SLC39A11: variants seen among roughly 807,000 people sequenced by gnomAD.
SLC39A11 encodes the protein zinc transporter ZIP11.
SLC39A11 carries 33 observed loss-of-function variants against 36.1 expected under a neutral mutation model. That is an observed-to-expected ratio of 0.91 (90% CI 0.69 to 1.22). SLC39A11 has a LOEUF of 1.22. Ranked by LOEUF, SLC39A11 falls within the 50% of genes most tolerant of loss-of-function variation. SLC39A11 has a pLI of 0.00. For missense variants in SLC39A11, 432 were observed against 430.3 expected, an observed-to-expected ratio of 1.00 and a Z score of -0.03; for synonymous variants, 166 against 170.3, an observed-to-expected ratio of 0.97 and a Z score of 0.20.
chr17:72,859,620 A>G (rs1484758654), intron 5 of SLC39A11, among the ~76,000 whole-genome samples: 1 of 151,270 alleles, frequency 6.6e-6, no homozygotes, highest in African/African-American at 2.4e-5. Context: ...CCCTGAGAGC[A>G]GCCACATATT....
At chr17:72,819,814 G>A (rs2077704797) in intron 6 of SLC39A11, among the ~76,000 whole-genome samples, 1 of 151,122 alleles carries the variant, frequency 6.6e-6, no homozygotes, top group Non-Finnish European at 1.5e-5. Context: ...TCAGAAACTG[G>A]CTCAAGGAAA....
At chr17:72,785,875 T>C (rs1296110258) in intron 6 of SLC39A11, among the ~76,000 whole-genome samples, 1 of 152,188 alleles carries the variant, frequency 6.6e-6, no homozygotes, top group Non-Finnish European at 1.5e-5. Flanking sequence ...CATACAGGTA[T>C]GCAAAAATAC....
intron 6 of SLC39A11, among the ~76,000 whole-genome samples, chr17:72,842,086 G>GTGTGTGTGTA (rs1185970452): frequency 6.6e-6 from 1 of 151,556 alleles, no homozygotes; most frequent in Admixed American, 6.6e-5. Context: ...CTATGTGTGT[G>GTGTGTGTGTA]TGTGTGTGTG....
At chr17:72,972,211 T>C (rs975579512) in intron 4 of SLC39A11, among the ~76,000 whole-genome samples, 3 of 152,140 alleles carry the variant, frequency 2.0e-5, no homozygotes, top group Non-Finnish European at 4.4e-5. Flanking sequence ...GTGTTACCGC[T>C]TTCTCCCTTC....
chr17:72,787,105 C>T (rs932864135), intron 6 of SLC39A11, among the ~76,000 whole-genome samples: 1 of 152,142 alleles, frequency 6.6e-6, no homozygotes, highest in South Asian at 2.1e-4. Context: ...CAGGTGTGAG[C>T]CACCAAGCCT....
At chr17:72,833,631 T>C (rs2078381857) in intron 6 of SLC39A11, among the ~76,000 whole-genome samples, 1 of 152,212 alleles carries the variant, frequency 6.6e-6, no homozygotes. Flanking sequence ...GAGGCTGTTC[T>C]GTGAGAGGGG....
chr17:72,849,972 C>T (rs1335001160), intron 5 of SLC39A11, among the ~76,000 whole-genome samples, 168 bp from the exon 6 acceptor site: 1 of 151,940 alleles, frequency 6.6e-6, no homozygotes, highest in Non-Finnish European at 1.5e-5. Flanking sequence ...CAACTCACTG[C>T]AGCCCCAACT....
rs529065041 is a variant in SLC39A11, at chr17:72,917,131, T to C, written c.430+30621A>G. On this transcript the variant is annotated intron_variant, in intron 5 of 9. Coordinates refer to ENST00000255559, the MANE Select transcript of SLC39A11 (RefSeq NM_139177.4). ...AGAATAGGTCCACATTCCATTGAGA[T>C]ACCAATGCCAGTTCATAACAAACAC... Among the ~76,000 whole-genome samples, 3 of 152,294 alleles carry C rather than the reference T, an allele frequency of 2.0e-5. No individual in the cohort carries two copies. The South Asian group carries it at 6.2e-4, about 32-fold the overall frequency.
At chr17:72,729,844 G>A (rs2143817712) in intron 7 of SLC39A11, among the ~76,000 whole-genome samples, 1 of 152,114 alleles carries the variant, frequency 6.6e-6, no homozygotes, top group East Asian at 1.9e-4. Flanking sequence ...TTCTTGGTCT[G>A]GCTTGGATCA....
intron 6 of SLC39A11, among the ~76,000 whole-genome samples, chr17:72,785,006 C>T (rs1055175013): frequency 5.3e-5 from 8 of 151,844 alleles, no homozygotes; most frequent in Non-Finnish European, 8.8e-5. Context: ...ATTACAGGTA[C>T]GCAGGCATGC....
intron 3 of SLC39A11, among the ~76,000 whole-genome samples, chr17:73,042,372 C>G (rs2059138152): frequency 6.6e-6 from 1 of 152,162 alleles, no homozygotes; most frequent in South Asian, 2.1e-4. Context: ...AGAACAGCAC[C>G]CAACTCAGTG....
intron 6 of SLC39A11, among the ~76,000 whole-genome samples, chr17:72,825,256 A>C (rs2077969384): frequency 6.6e-6 from 1 of 152,202 alleles, no homozygotes; most frequent in Non-Finnish European, 1.5e-5. Flanking sequence ...GGCCCCAGAT[A>C]CATCTCAGGC....
intron 6 of SLC39A11, among the ~76,000 whole-genome samples, chr17:72,762,197 A>C (rs1400120634): frequency 6.6e-6 from 1 of 152,190 alleles, no homozygotes; most frequent in African/African-American, 2.4e-5. Flanking sequence ...TCACAGGATG[A>C]GATAGGAGGT....
chr17:72,730,808 C>A (rs2074183364), intron 7 of SLC39A11, among the ~76,000 whole-genome samples: 1 of 152,298 alleles, frequency 6.6e-6, no homozygotes, highest in East Asian at 1.9e-4. Flanking sequence ...CACAGATGCA[C>A]ACCATGATGC....
intron 4 of SLC39A11, among the ~76,000 whole-genome samples, chr17:72,953,642 G>C (rs757652771): frequency 6.6e-6 from 1 of 152,108 alleles, no homozygotes; most frequent in Admixed American, 6.6e-5. Flanking sequence ...AGTCTACAAG[G>C]GCGAACTAAG....
At chr17:72,665,308 T>C (rs1172122099) in intron 7 of SLC39A11, among the ~76,000 whole-genome samples, 1 of 149,628 alleles carries the variant, frequency 6.7e-6, no homozygotes, top group African/African-American at 2.5e-5. Flanking sequence ...CCAGGACCAC[T>C]CAGCAAAACC....
rs9909056 is a variant in SLC39A11, at chr17:72,903,497, T to C, written c.430+44255A>G. 5.6e-3 allele frequency among the ~76,000 whole-genome samples: 853 copies of C among 152,170 alleles called. 11 individuals carry two copies. Among genetic ancestry groups the C allele is most frequent in the African/African-American group, 0.019 (807 of 41,512 alleles). ...TTGCTCACGCTCTGTAGTGACCTCT[T>C]GCAATAGGTCCAGCCACTGTGACTC... On this transcript the variant is annotated intron_variant, in intron 5 of 9. Coordinates refer to ENST00000255559, the MANE Select transcript of SLC39A11 (RefSeq NM_139177.4).
chr17:73,083,198 C>A (rs1344788464), intron 3 of SLC39A11, among the ~76,000 whole-genome samples: 1 of 151,932 alleles, frequency 6.6e-6, no homozygotes, highest in Non-Finnish European at 1.5e-5. Context: ...GGAAGCTGTG[C>A]CAAGGAAGGA....
At chr17:72,903,219 TCAGGGCACTG>T (rs2082483547) in intron 5 of SLC39A11, among the ~76,000 whole-genome samples, 2 of 138,324 alleles carry the variant, frequency 1.4e-5, no homozygotes, top group East Asian at 4.3e-4. Flanking sequence ...TGATCCAAGA[TCAGGGCACTG>T]CACTCCAGCC....
Sources: gnomAD v4.1 joint callset for allele counts (sites outside exome capture counted in the v4.1 genomes callset) on GRCh38, gnomAD v4.1.1 for gene constraint, MANE v1.5 for transcripts, NCBI Gene and HGNC (gene_info 2026-07-23, HGNC 2026-07-21) for gene names.